Variants in PAK3 observed in about 807,000 individuals in gnomAD.
PAK3 encodes p21 (RAC1) activated kinase 3, also known as serine/threonine-protein kinase PAK 3.
In PAK3, 4 loss-of-function variants were observed where a neutral mutation model predicts 41.0. The ratio of observed to expected loss-of-function variants is 0.10; its 90% CI spans 0.05 to 0.22. The LOEUF (loss-of-function observed/expected upper bound fraction) is 0.22, where lower values mean the gene tolerates loss of function less well. Ranked by LOEUF, PAK3 falls within the 10% of genes least tolerant of loss-of-function variation. The probability of loss-of-function intolerance (pLI) is 1.00; values close to 1 mark genes in which losing one functional copy is unlikely to be tolerated. For synonymous variants in PAK3, 146 were observed against 139.6 expected (o/e 1.05, Z -0.32); for missense variants, 205 against 409.9 (o/e 0.50, Z 4.32).
At chrX:111,121,049 C>G (rs1023746950) in intron 4 of PAK3, among the ~76,000 whole-genome samples, 2 of 111,983 alleles carry the variant, frequency 1.8e-5, no homozygotes, top group Non-Finnish European at 3.8e-5. Flanking sequence ...GACACATTAG[C>G]ACTGGTCTCA....
At chrX:110,951,699 T>C (rs1170519571) in intron 1 of PAK3, among the ~76,000 whole-genome samples, 1 of 112,378 alleles carries the variant, frequency 8.9e-6, no homozygotes, top group African/African-American at 3.2e-5. Flanking sequence ...GTAATACATG[T>C]TTCACCTTCA....
chrX:110,987,111 T>A (rs1236033897), intron 1 of PAK3, among the ~76,000 whole-genome samples: 1 of 111,957 alleles, frequency 8.9e-6, no homozygotes, highest in Non-Finnish European at 1.9e-5. Flanking sequence ...TCTCAACATT[T>A]TGCTCAGCAG....
At chrX:111,044,515 C>T (rs1005727712) in intron 1 of PAK3, among the ~76,000 whole-genome samples, 6 of 111,790 alleles carry the variant, frequency 5.4e-5, no homozygotes, top group African/African-American at 9.8e-5. Context: ...TCCCAAGTAC[C>T]CTGGTCACTC....
intron 1 of PAK3, among the ~76,000 whole-genome samples, chrX:111,030,654 C>T (rs2092329485): frequency 9.1e-6 from 1 of 110,489 alleles, no homozygotes; most frequent in Admixed American, 9.7e-5. Flanking sequence ...ATGGATGGAG[C>T]TAGATGGAAG....
At chrX:111,116,499 G>C (rs1333177187) in intron 4 of PAK3, among the ~76,000 whole-genome samples, 5 of 111,854 alleles carry the variant, frequency 4.5e-5, no homozygotes, top group African/African-American at 1.6e-4. Flanking sequence ...TATGTTTAGA[G>C]GCTTAAGAAG....
intron 1 of PAK3, among the ~76,000 whole-genome samples, chrX:111,002,738 G>A (rs768454506): frequency 9.0e-6 from 1 of 111,670 alleles, no homozygotes; most frequent in Admixed American, 9.5e-5. Flanking sequence ...AAGGTCACAC[G>A]GTTCTCTAGA....
intron 1 of PAK3, among the ~76,000 whole-genome samples, chrX:111,006,145 G>A (rs2091919577): frequency 8.9e-6 from 1 of 112,066 alleles, no homozygotes; most frequent in Non-Finnish European, 1.9e-5. Context: ...TTGCTATGGA[G>A]TTAGGGCCAC....
chrX:110,957,965 T>C (rs1280866013), intron 1 of PAK3, among the ~76,000 whole-genome samples: 2 of 111,588 alleles, frequency 1.8e-5, no homozygotes, highest in Non-Finnish European at 3.8e-5. Flanking sequence ...TAATTGTAAA[T>C]TATAGTAGTG....
chrX:110,967,121 T>A (rs2091097145), intron 1 of PAK3, among the ~76,000 whole-genome samples: 1 of 112,317 alleles, frequency 8.9e-6, no homozygotes, highest in South Asian at 3.8e-4. Context: ...TGACCTGTGG[T>A]GTGTCCACTT....
intron 1 of PAK3, among the ~76,000 whole-genome samples, chrX:110,989,885 G>T (rs988239572): frequency 2.7e-5 from 3 of 111,459 alleles, no homozygotes; most frequent in Non-Finnish European, 5.6e-5. Flanking sequence ...TATAACAGAC[G>T]CATCACCACC....
chrX:111,084,556 G>A (rs1172631982), intron 1 of PAK3, among the ~76,000 whole-genome samples: 1 of 112,292 alleles, frequency 8.9e-6, no homozygotes, highest in Non-Finnish European at 1.9e-5. Context: ...CTCAAGCTAT[G>A]CATTTGATAT....
At chrX:111,066,680 G>A (rs893697604) in intron 1 of PAK3, among the ~76,000 whole-genome samples, 1 of 111,946 alleles carries the variant, frequency 8.9e-6, no homozygotes, top group East Asian at 2.8e-4. Context: ...GTGCCCCACT[G>A]TTATTGCATG....
chrX:111,003,352 G>A (rs1327234649), intron 1 of PAK3, among the ~76,000 whole-genome samples: 3 of 111,435 alleles, frequency 2.7e-5, no homozygotes, highest in Non-Finnish European at 5.7e-5. Context: ...CCAGCTACTC[G>A]GCTTGGTGCT....
chrX:111,130,921 G>T (rs775930744), intron 5 of PAK3, among the ~76,000 whole-genome samples: 1 of 111,837 alleles, frequency 8.9e-6, no homozygotes, highest in Non-Finnish European at 1.9e-5. Context: ...CAGAAGTTCA[G>T]AGAGGTTAAA....
At chrX:110,977,861 C>A (rs1013369283) in intron 1 of PAK3, among the ~76,000 whole-genome samples, 7 of 111,947 alleles carry the variant, frequency 6.3e-5, no homozygotes, top group Non-Finnish European at 1.1e-4. Context: ...TATTTAAATT[C>A]TTTCTTTCCA....
At chrX:111,138,780 A>C (rs1168158909) in intron 5 of PAK3, among the ~76,000 whole-genome samples, 1 of 111,191 alleles carries the variant, frequency 9.0e-6, no homozygotes, top group Non-Finnish European at 1.9e-5. Flanking sequence ...GCCCTTGGAT[A>C]TCATGCTAAG....
intron 5 of PAK3, among the ~76,000 whole-genome samples, chrX:111,135,971 G>A (rs1290550062): frequency 9.0e-6 from 1 of 111,585 alleles, no homozygotes; most frequent in East Asian, 2.8e-4. Flanking sequence ...GATACAAGAA[G>A]AAATAGAGCA....
chrX:111,069,431 C>A (rs949366775), intron 1 of PAK3, among the ~76,000 whole-genome samples: 1 of 111,891 alleles, frequency 8.9e-6, no homozygotes, highest in Non-Finnish European at 1.9e-5. Flanking sequence ...CCACTGCCTT[C>A]TTGCTCTTCA....
intron 3 of PAK3, among the ~76,000 whole-genome samples, chrX:111,102,669 T>C (rs1046232274): frequency 8.9e-6 from 1 of 112,482 alleles, no homozygotes; most frequent in African/African-American, 3.2e-5. Flanking sequence ...CAGTTTCCTT[T>C]TGTCCACTGG....
Sources: gnomAD v4.1 joint callset for allele counts (sites outside exome capture counted in the v4.1 genomes callset) on GRCh38, gnomAD v4.1.1 for gene constraint, MANE v1.5 for transcripts, NCBI Gene and HGNC (gene_info 2026-07-23, HGNC 2026-07-21) for gene names.